Variants in CNNM2 observed in about 807,000 individuals in gnomAD.
CNNM2 encodes the protein metal transporter CNNM2.
CNNM2 carries 12 observed loss-of-function variants against 66.9 expected under a neutral mutation model. The ratio of observed to expected loss-of-function variants is 0.18; its 90% CI spans 0.11 to 0.29. The LOEUF is 0.29. Ranked by LOEUF, CNNM2 falls within the 10% of genes least tolerant of loss-of-function variation. CNNM2 has a pLI of 1.00. For missense variants in CNNM2, 705 were observed against 1,167.7 expected, an observed-to-expected ratio of 0.60 and a Z score of 5.77; for synonymous variants, 557 against 501.8, an observed-to-expected ratio of 1.11 and a Z score of -1.47.
At chr10:102,996,928 A>G (rs979001478) in intron 1 of CNNM2, among the ~76,000 whole-genome samples, 3 of 151,752 alleles carry the variant, frequency 2.0e-5, no homozygotes, top group Admixed American at 6.6e-5. Context: ...CACATCTCCA[A>G]CCTCCTCCTA....
intron 1 of CNNM2, among the ~76,000 whole-genome samples, chr10:103,048,352 A>T (rs900281299): frequency 2.0e-5 from 3 of 151,984 alleles, no homozygotes; most frequent in African/African-American, 7.3e-5. Context: ...AGTAGCTGGA[A>T]TCACAGGCAC....
intron 1 of CNNM2, among the ~76,000 whole-genome samples, chr10:102,955,318 T>C (rs1846993587): frequency 6.6e-6 from 1 of 152,214 alleles, no homozygotes; most frequent in African/African-American, 2.4e-5. Flanking sequence ...GAAAACTGGC[T>C]AGCCATATGT....
At chr10:102,920,170 C>T (rs1845567882) in intron 1 of CNNM2, 69 bp downstream of exon 1, 3 of 1,612,928 alleles carry the variant, frequency 1.9e-6, no homozygotes, top group Non-Finnish European at 2.5e-6. Context: ...CTTGAGTCCT[C>T]TACCCTCAGA....
At chr10:102,927,625 C>T (rs569107982) in intron 1 of CNNM2, 251 of 542,454 alleles carry the variant, frequency 4.6e-4, no homozygotes, top group Non-Finnish European at 6.3e-4. Context: ...ATTAGCTGTG[C>T]GTGGTGGTGG....
chr10:103,036,854 C>T (rs931528177), intron 1 of CNNM2, among the ~76,000 whole-genome samples: 2 of 152,050 alleles, frequency 1.3e-5, no homozygotes, highest in African/African-American at 4.8e-5. Flanking sequence ...CCTTATTTTA[C>T]CAAGGAAACT....
At chr10:103,033,623 A>G (rs1564853865) in intron 1 of CNNM2, among the ~76,000 whole-genome samples, 2 of 152,198 alleles carry the variant, frequency 1.3e-5, no homozygotes, top group Non-Finnish European at 1.5e-5. Context: ...TGAGTTAGGA[A>G]AGCCATAAAC....
chr10:102,974,479 G>T (rs1178034250), intron 1 of CNNM2, among the ~76,000 whole-genome samples: 1 of 152,110 alleles, frequency 6.6e-6, no homozygotes, highest in Non-Finnish European at 1.5e-5. Context: ...CCAAATGTGA[G>T]TCCGTAGTGA....
intron 1 of CNNM2, among the ~76,000 whole-genome samples, chr10:102,995,465 G>A (rs189792009): frequency 8.1e-4 from 123 of 151,804 alleles, no homozygotes; most frequent in Non-Finnish European, 1.6e-3. Flanking sequence ...CACCTGCCTT[G>A]GCCTCCCAAC....
At chr10:103,053,927 T>A (rs2065255809) in intron 2 of CNNM2, among the ~76,000 whole-genome samples, 1 of 152,178 alleles carries the variant, frequency 6.6e-6, no homozygotes, top group South Asian at 2.1e-4. Flanking sequence ...TACACAGTGG[T>A]GGTCCTTTGC....
chr10:102,960,211 G>T (rs1358240349), intron 1 of CNNM2, among the ~76,000 whole-genome samples: 3 of 152,082 alleles, frequency 2.0e-5, no homozygotes, highest in African/African-American at 7.2e-5. Flanking sequence ...TTTGAAAAAC[G>T]CTGATTTTCT....
intron 1 of CNNM2, among the ~76,000 whole-genome samples, chr10:102,999,921 T>C (rs2064084238): frequency 6.6e-6 from 1 of 152,120 alleles, no homozygotes; most frequent in South Asian, 2.1e-4. Context: ...ATTGGAACCC[T>C]TGTGCACTGT....
intron 1 of CNNM2, among the ~76,000 whole-genome samples, chr10:102,978,128 C>G (rs2063665444): frequency 6.6e-6 from 1 of 151,934 alleles, no homozygotes; most frequent in South Asian, 2.1e-4. Flanking sequence ...CCAGGCTGGT[C>G]TCAAACTCCT....
intron 1 of CNNM2, among the ~76,000 whole-genome samples, chr10:103,006,707 G>A (rs2064236023): frequency 6.6e-6 from 1 of 152,100 alleles, no homozygotes; most frequent in Non-Finnish European, 1.5e-5. Flanking sequence ...GCTTACCGCA[G>A]CCTTGACCCC....
At chr10:103,030,106 G>A (rs182639429) in intron 1 of CNNM2, among the ~76,000 whole-genome samples, 3 of 152,258 alleles carry the variant, frequency 2.0e-5, no homozygotes, top group Non-Finnish European at 2.9e-5. Flanking sequence ...CAGTGAAATA[G>A]CATATCTAGT....
Position 103,089,674 on chromosome 10 carries a change from ATTC to A in CNNM2, c.*12498_*12500del, listed in dbSNP as rs1234787055. 6.3e-7 allele frequency: 1 copy of A among 1,594,968 alleles called. No homozygotes were observed. The highest frequency in any genetic ancestry group is 8.5e-7 in the Non-Finnish European group (1 of 1,171,138). On this transcript the variant is annotated 3_prime_UTR_variant, in exon 8 of 8. Coordinates refer to ENST00000369878, the MANE Select transcript of CNNM2 (RefSeq NM_017649.5). Reference sequence around the variant, plus strand: ...GCTTGGGGTTTTGGTTTTCCTCCTTATTCTTCCTCCTCCTCCTCCTCTTCATCA... The same window carrying A: ...GCTTGGGGTTTTGGTTTTCCTCCTTATTCCTCCTCCTCCTCCTCTTCATCA...
intron 1 of CNNM2, among the ~76,000 whole-genome samples, chr10:102,989,232 T>G (rs1428264290): frequency 2.0e-5 from 3 of 152,140 alleles, no homozygotes; most frequent in Admixed American, 6.5e-5. Context: ...GGGGAAACTT[T>G]CATTATCTTT....
At position 103,054,065 on chromosome 10, in the gene CNNM2, C is replaced by G. The variant is rs2065257796; in HGVS notation, c.1766-264C>G. Among the ~76,000 whole-genome samples, 1 of 152,164 alleles carries G rather than the reference C, an allele frequency of 6.6e-6. No individual in the cohort carries two copies. Among genetic ancestry groups the G allele is most frequent in the Non-Finnish European group, 1.5e-5 (1 of 68,028 alleles). On this transcript the variant is annotated intron_variant, in intron 2 of 7. Transcript: ENST00000369878. This position sits in a 1 kb window ranked among gnomAD's most constrained non-coding sequence, Gnocchi z 5.2. ...GCCTGATGCTGTGCTCACAAGGGCCCTCTACAGACCTTCCTGAAGTACATT... is the reference window on the plus strand; with the variant it reads ...GCCTGATGCTGTGCTCACAAGGGCCGTCTACAGACCTTCCTGAAGTACATT...
At chr10:103,036,091 A>G (rs1304495950) in intron 1 of CNNM2, among the ~76,000 whole-genome samples, 4 of 152,020 alleles carry the variant, frequency 2.6e-5, no homozygotes, top group African/African-American at 7.2e-5. Context: ...TCCTGAGTCT[A>G]TCAGTCAGGA....
Position 103,077,397 on chromosome 10 carries a change from T to C in CNNM2, c.*217T>C. Reference sequence around the variant, plus strand: ...GAAGTTGGCAGCCGGGGCATGGCGTTCAAGATTTTGGAGATGAACTGATTC... The same window carrying C: ...GAAGTTGGCAGCCGGGGCATGGCGTCCAAGATTTTGGAGATGAACTGATTC... On this transcript the variant is annotated 3_prime_UTR_variant, in exon 8 of 8. Transcript: ENST00000369878. The C allele has an allele frequency of 3.8e-6, 2 of 525,756 alleles. No homozygotes were observed. Among genetic ancestry groups the C allele is most frequent in the East Asian group, 5.8e-5 (2 of 34,352 alleles). The allele number at this position is 525,756 out of a possible 1,614,324, so 32.6% of individuals were successfully genotyped here. A position where few individuals can be genotyped will look rare whatever the true frequency, so the allele number is the denominator to read the frequency against.
Sources: allele counts gnomAD v4.1 joint callset (sites outside exome capture counted in the v4.1 genomes callset), GRCh38; gene constraint gnomAD v4.1.1; non-coding constraint Gnocchi (gnomAD v3.1); transcripts MANE v1.5; gene names NCBI Gene and HGNC (gene_info 2026-07-23, HGNC 2026-07-21).